The following RGS6 variants were observed in gnomAD, a reference collection of about 807,000 sequenced individuals.
RGS6 encodes the protein regulator of G-protein signaling 6.
A neutral mutation model predicts 78.5 loss-of-function variants in RGS6; 30 were observed. The observed-to-expected ratio is 0.38, with a 90% CI of 0.29 to 0.52. RGS6 has a LOEUF of 0.52. RGS6 is among the 20% of genes least tolerant of loss of function. The pLI is 0.85. For synonymous variants in RGS6, 206 were observed against 206.0 expected, an observed-to-expected ratio of 1.00 and a Z score of 0.00; for missense variants, 495 against 609.7, an observed-to-expected ratio of 0.81 and a Z score of 1.98.
At chr14:72,363,590 A>G (rs2081918848) in intron 3 of RGS6, among the ~76,000 whole-genome samples, 1 of 152,214 alleles carries the variant, frequency 6.6e-6, no homozygotes, top group South Asian at 2.1e-4. Context: ...GGTATGATTG[A>G]CACAACCTGC....
At chr14:72,190,911 A>G (rs1046763677) in intron 2 of RGS6, among the ~76,000 whole-genome samples, 1 of 152,186 alleles carries the variant, frequency 6.6e-6, no homozygotes, top group Non-Finnish European at 1.5e-5. Flanking sequence ...TGTCCCATCT[A>G]GTAAATTTGT....
the RGS6 span, among the ~76,000 whole-genome samples, chr14:71,893,458 T>C: frequency 6.6e-6 from 1 of 152,216 alleles, no homozygotes; most frequent in African/African-American, 2.4e-5. Flanking sequence ...AGCTGAATCC[T>C]GACTCTAGAA....
intron 3 of RGS6, among the ~76,000 whole-genome samples, chr14:72,369,991 T>G (rs1325049205): frequency 6.6e-6 from 1 of 152,168 alleles, no homozygotes; most frequent in South Asian, 2.1e-4. Context: ...GTAAGAGCTT[T>G]TAGAACTTGT....
rs535551411 is a variant in RGS6 at position 72,077,443 on chromosome 14, C to T, written c.84+112568C>T. Among the ~76,000 whole-genome samples, 6 of 152,064 alleles carry T rather than the reference C, an allele frequency of 3.9e-5. No homozygotes were observed. The East Asian group carries it at 9.7e-4, about 24-fold the overall frequency. On this transcript the variant is annotated intron_variant, in intron 2 of 17. Coordinates refer to ENST00000553525, the MANE Select transcript of RGS6 (RefSeq NM_001204424.2). ...TCATAAATGCTAAATTTTATGTCAT[C>T]ATATCTTTCAGTCCTTTTCTATATT...
At chr14:72,138,739 A>C (rs2153607595) in intron 2 of RGS6, among the ~76,000 whole-genome samples, 1 of 152,144 alleles carries the variant, frequency 6.6e-6, no homozygotes, top group South Asian at 2.1e-4. Flanking sequence ...TTGGAGCACA[A>C]GCCCTGTTGT....
At chr14:72,295,498 C>T (rs2064623235) in intron 2 of RGS6, among the ~76,000 whole-genome samples, 1 of 151,984 alleles carries the variant, frequency 6.6e-6, no homozygotes, top group Admixed American at 6.5e-5. Flanking sequence ...GATCTCATCA[C>T]TGCATAGGAG....
the RGS6 span, among the ~76,000 whole-genome samples, chr14:71,883,923 C>T: frequency 6.6e-6 from 1 of 152,098 alleles, no homozygotes; most frequent in South Asian, 2.1e-4. Context: ...ATGAATAATC[C>T]ACCCCCTGTT....
At chr14:72,439,166 T>C (rs1425315186) in intron 3 of RGS6, among the ~76,000 whole-genome samples, 1 of 152,202 alleles carries the variant, frequency 6.6e-6, no homozygotes, top group Non-Finnish European at 1.5e-5. Context: ...TTTTCCTTGG[T>C]TTCATGCAGT....
At chr14:72,523,347 T>C (rs970126755) in intron 15 of RGS6, among the ~76,000 whole-genome samples, 1 of 152,142 alleles carries the variant, frequency 6.6e-6, no homozygotes, top group Admixed American at 6.5e-5. Flanking sequence ...TCGGTTTGCC[T>C]CTCTGTTAAA....
At chr14:72,476,976 A>C in intron 11 of RGS6, 136 bp downstream of exon 11, 1 of 706,992 alleles carries the variant, frequency 1.4e-6, no homozygotes, top group East Asian at 2.7e-5. Context: ...GGGTGATTGA[A>C]CCTTTTAAGT....
chr14:72,086,675 C>T (rs2095052743), intron 2 of RGS6, among the ~76,000 whole-genome samples: 1 of 152,122 alleles, frequency 6.6e-6, no homozygotes, highest in Non-Finnish European at 1.5e-5. Flanking sequence ...TGTGAACCAC[C>T]CTGCCTCCAA....
chr14:72,354,355 G>A (rs934143967), intron 3 of RGS6, among the ~76,000 whole-genome samples: 1 of 151,606 alleles, frequency 6.6e-6, no homozygotes, highest in Admixed American at 6.6e-5. Context: ...GCCGGGTGCC[G>A]TGACTCATGC....
chr14:72,094,351 T>C (rs1188585095), intron 2 of RGS6, among the ~76,000 whole-genome samples: 1 of 152,224 alleles, frequency 6.6e-6, no homozygotes, highest in Non-Finnish European at 1.5e-5. Context: ...GCATGCTGAA[T>C]CATTTTGAAT....
In RGS6 at chr14:72,415,382, G is replaced by A. The variant is rs55833540; in HGVS notation, c.185-39146G>A. 2.4e-3 allele frequency among the ~76,000 whole-genome samples: 360 copies of A among 152,324 alleles called. 4 individuals are homozygous for A. Among genetic ancestry groups the A allele is most frequent in the African/African-American group, 8.1e-3 (338 of 41,552 alleles). ...TCCTGGTGTGCCATTTGTTAAGCCC[G>A]TTGGAAAAGGGCAGTATTAGGGTGG... is the stretch of plus-strand genomic sequence containing the variant. On this transcript the variant is annotated intron_variant, in intron 3 of 17. Coordinates refer to ENST00000553525, the MANE Select transcript of RGS6 (RefSeq NM_001204424.2).
Position 72,513,104 on chromosome 14 carries a change from C to T in RGS6, c.1091+2825C>T, listed in dbSNP as rs993625884. 2.0e-5 allele frequency among the ~76,000 whole-genome samples: 3 copies of T among 152,230 alleles called. No individual in the cohort carries two copies. The East Asian group carries it at 5.8e-4, about 29-fold the overall frequency. On this transcript the variant is annotated intron_variant, in intron 14 of 17. Transcript: ENST00000553525. ...CAGGAAAAAGCCTGACCAGAACTCA[C>T]CTGGGTAAATTACAAAGTGCTTCTC...
intron 2 of RGS6, among the ~76,000 whole-genome samples, chr14:72,203,212 G>A (rs768201743): frequency 5.3e-5 from 8 of 152,104 alleles, no homozygotes; most frequent in Admixed American, 1.3e-4. Flanking sequence ...TTGTTAATCC[G>A]TCACTTTATG....
chr14:72,310,274 C>T (rs1205791927), intron 2 of RGS6, among the ~76,000 whole-genome samples: 1 of 152,244 alleles, frequency 6.6e-6, no homozygotes, highest in East Asian at 1.9e-4. Flanking sequence ...ACAGCAGCAG[C>T]GGCGTCAGCC....
At chr14:72,202,260 G>A (rs1231057604) in intron 2 of RGS6, among the ~76,000 whole-genome samples, 2 of 152,152 alleles carry the variant, frequency 1.3e-5, no homozygotes, top group African/African-American at 4.8e-5. Flanking sequence ...CTGAGACCAT[G>A]CATCAACCCT....
At chr14:71,970,560 G>A (rs4902961) in intron 2 of RGS6, among the ~76,000 whole-genome samples, 34,772 of 152,090 alleles carry the variant, frequency 0.23, 4,229 homozygotes, top group South Asian at 0.25. Flanking sequence ...TAGGGATAGA[G>A]TGTGGTTTGG....
Sources: allele counts gnomAD v4.1 joint callset (sites outside exome capture counted in the v4.1 genomes callset), GRCh38; gene constraint gnomAD v4.1.1; transcripts MANE v1.5; gene names NCBI Gene and HGNC (gene_info 2026-07-23, HGNC 2026-07-21).